The following OPA3 variants were observed in gnomAD, a reference collection of about 807,000 sequenced individuals.
OPA3 encodes optic atrophy 3 protein.
In OPA3, 6 loss-of-function variants were observed where a neutral mutation model predicts 4.0. The ratio of observed to expected loss-of-function variants is 1.51; its 90% confidence interval spans 0.83 to 2.99. OPA3 has a LOEUF of 2.99. Ranked by LOEUF, OPA3 falls within the 30% of genes most tolerant of loss-of-function variation. The pLI, the probability that OPA3 is intolerant of heterozygous loss-of-function variation, is 0.00. For synonymous variants in OPA3, 105 were observed against 117.1 expected (o/e 0.90, Z 0.67); for missense variants, 235 against 256.2 (o/e 0.92, Z 0.56).
At chr19:45,565,089 C>T (rs1208901643) in intron 1 of OPA3, among the ~76,000 whole-genome samples, 1 of 151,836 alleles carries the variant, frequency 6.6e-6, no homozygotes, top group Non-Finnish European at 1.5e-5. Context: ...AAAAAATTAG[C>T]TGGGCGTGGT....
intron 1 of OPA3, chr19:45,584,365 G>A (rs1275315303): frequency 1.0e-6 from 1 of 985,230 alleles, no homozygotes; most frequent in Non-Finnish European, 1.2e-6. Context: ...CAGGGCATCA[G>A]TCTCCAAGCG....
chr19:45,543,592 C>T (rs1969212181), downstream of OPA3, among the ~76,000 whole-genome samples: 1 of 152,186 alleles, frequency 6.6e-6, no homozygotes, highest in African/African-American at 2.4e-5. Context: ...ACTGGGATTA[C>T]AGGCGTGAGC....
chr19:45,548,513 C>T lies in OPA3; in HGVS notation c.*5001G>A. 1.0e-6 allele frequency: 1 copy of T among 985,402 alleles called. No homozygotes were observed. The highest frequency in any genetic ancestry group is 4.7e-5 in the South Asian group (1 of 21,290). 61.0% of individuals were successfully genotyped at this position (985,402 alleles called of 1,614,324 possible). A position where few individuals can be genotyped will look rare whatever the true frequency, so the allele number is the denominator to read the frequency against. On this transcript the variant is annotated 3_prime_UTR_variant, in exon 2 of 2. Transcript: ENST00000263275. ...CTTCCTAAACAACTATGGGGTGGGG[C>T]AGGGAACACTGGAAAAGAAATGTAC...
intron 1 of OPA3, among the ~76,000 whole-genome samples, chr19:45,570,231 A>G (rs2122487729): frequency 6.6e-6 from 1 of 152,340 alleles, no homozygotes; most frequent in South Asian, 2.1e-4. Flanking sequence ...AGATTTAGCC[A>G]TGAGTACATG....
intron 1 of OPA3, among the ~76,000 whole-genome samples, chr19:45,580,099 T>C (rs1377075899): frequency 6.8e-6 from 1 of 146,050 alleles, no homozygotes; most frequent in East Asian, 2.1e-4. Flanking sequence ...CATGTTCAAG[T>C]GATTCTTCTG....
chr19:45,572,633 A>AAT (rs71173182), intron 1 of OPA3, among the ~76,000 whole-genome samples: 31,113 of 135,142 alleles, frequency 0.23, 4,590 homozygotes, highest in Non-Finnish European at 0.33. Context: ...TATGTATATA[A>AAT]ATATATATAT....
chr19:45,573,509 G>C (rs1969719716), intron 1 of OPA3, among the ~76,000 whole-genome samples: 6 of 152,004 alleles, frequency 3.9e-5, no homozygotes, highest in Admixed American at 3.9e-4. Flanking sequence ...GAGTACTTGA[G>C]GGCCAGGTAC....
chr19:45,553,252 C>A lies in OPA3; in HGVS notation c.*262G>T, dbSNP rs1969363371. The A allele has an allele frequency of 7.1e-6, 10 of 1,415,310 alleles. No individual in the cohort carries two copies. The South Asian group carries it at 1.4e-4, about 19-fold the overall frequency. The allele number at this position is 1,415,310 out of a possible 1,614,324, so 87.7% of individuals were successfully genotyped here. A position where few individuals can be genotyped will look rare whatever the true frequency, so the allele number is the denominator to read the frequency against. On this transcript the variant is annotated 3_prime_UTR_variant, in exon 2 of 2. Coordinates refer to ENST00000263275, the MANE Select transcript of OPA3 (RefSeq NM_025136.4). Reference sequence around the variant, plus strand: ...TTGCCAGAGTGCCCACGGTGTCCTGCTGGCTGGGACCTTGCAGGTCGTCCT... The same window carrying A: ...TTGCCAGAGTGCCCACGGTGTCCTGATGGCTGGGACCTTGCAGGTCGTCCT...
Position 45,551,401 on chromosome 19 carries a change from T to A in OPA3, c.*2113A>T, listed in dbSNP as rs1969331482. ...TATTTGGAAAAAGTGTTTTTTCAGA[T>A]GTAATTAAGGGTCTTGAGGTGGGAT... On this transcript the variant is annotated 3_prime_UTR_variant, in exon 2 of 2. Transcript: ENST00000263275. The A allele has an allele frequency of 6.6e-6, 1 of 152,278 alleles. No individual in the cohort carries two copies. Among genetic ancestry groups the A allele is most frequent in the East Asian group, 1.9e-4 (1 of 5,200 alleles). 9.4% of individuals were successfully genotyped at this position (152,278 alleles called of 1,614,324 possible).
At chr19:45,530,027 C>T (rs1417976607) in intron 1 of OPA3, among the ~76,000 whole-genome samples, 2 of 152,156 alleles carry the variant, frequency 1.3e-5, no homozygotes, top group Non-Finnish European at 2.9e-5. Context: ...AGCCACGGAG[C>T]GCGGCCCTGA....
At chr19:45,558,729 T>A (rs907835142) in intron 1 of OPA3, among the ~76,000 whole-genome samples, 1 of 151,974 alleles carries the variant, frequency 6.6e-6, no homozygotes, top group Non-Finnish European at 1.5e-5. Context: ...GCTGTTTTTT[T>A]TTTTTATTTT....
At chr19:45,572,491 GAT>G (rs750303442) in intron 1 of OPA3, among the ~76,000 whole-genome samples, 19 of 115,142 alleles carry the variant, frequency 1.7e-4, no homozygotes, top group African/African-American at 3.2e-4. Flanking sequence ...TATATATCGA[GAT>G]ATATGAGATA....
Position 45,550,347 on chromosome 19 carries a change from TG to T in OPA3, c.*3166del. On this transcript the variant is annotated 3_prime_UTR_variant, in exon 2 of 2. Transcript: ENST00000263275. ...GCAGCTTCCCAAAAGCGGGCCCAGG[TG>T]GAATGGTCACCCAGTTTACACAATG... is the stretch of plus-strand genomic sequence containing the variant. 1.0e-6 allele frequency: 1 copy of T among 985,208 alleles called. No homozygotes were observed. Among genetic ancestry groups the T allele is most frequent in the Non-Finnish European group, 1.2e-6 (1 of 829,956 alleles). The allele number at this position is 985,208 out of a possible 1,614,324, so 61.0% of individuals were successfully genotyped here. A position where few individuals can be genotyped will look rare whatever the true frequency, so the allele number is the denominator to read the frequency against.
In OPA3 at chr19:45,553,688, C is replaced by A. The variant is rs748397260; in HGVS notation, c.366G>T (p.Leu122=). The change falls in exon 2 of 2, where the codon CTG becomes CTT. Residue 122 remains leucine, a synonymous_variant. Transcript: ENST00000263275. ...EEEQRAAWNA[L]RDEVGHLALA... is the part of the protein sequence containing the mutation. ...GCGCCAGGTGGCCCACCTCGTCCCG[C>A]AGCGCGTTCCAGGCAGCACGCTGCT... is the stretch of plus-strand genomic sequence containing the variant. 3.7e-6 allele frequency: 6 copies of A among 1,606,086 alleles called. No homozygotes were observed. The South Asian group carries it at 5.5e-5, about 15-fold the overall frequency.
intron 1 of OPA3, among the ~76,000 whole-genome samples, chr19:45,572,652 A>G (rs1350264922): frequency 2.1e-5 from 3 of 140,318 alleles, no homozygotes; most frequent in Non-Finnish European, 1.5e-5. Context: ...ATCGATATAT[A>G]TCATATATAT....
At position 45,549,443 on chromosome 19, in the gene OPA3, G is replaced by A; in HGVS notation, c.*4071C>T. ...TCCATCTGGGTCAGGACAGCGCTGG[G>A]GTCAGGAATTGGAGCTCCTGCCTGT... On this transcript the variant is annotated 3_prime_UTR_variant, in exon 2 of 2. Transcript: ENST00000263275. The A allele has an allele frequency of 1.0e-6, 1 of 985,330 alleles. No individual in the cohort carries two copies. Among genetic ancestry groups the A allele is most frequent in the African/African-American group, 1.7e-5 (1 of 57,310 alleles). The allele number at this position is 985,330 out of a possible 1,614,324, so 61.0% of individuals were successfully genotyped here. A position where few individuals can be genotyped will look rare whatever the true frequency, so the allele number is the denominator to read the frequency against.
intron 1 of OPA3, among the ~76,000 whole-genome samples, chr19:45,570,032 C>T (rs769964145): frequency 7.9e-4 from 120 of 152,302 alleles, no homozygotes; most frequent in Non-Finnish European, 1.5e-3. Flanking sequence ...GGTCAATGAC[C>T]GAGATGGCCT....
Position 45,547,194 on chromosome 19 carries a change from C to T in OPA3, c.*6320G>A, listed in dbSNP as rs1340289601. On this transcript the variant is annotated 3_prime_UTR_variant, in exon 2 of 2. Transcript: ENST00000263275. ...GCTGGGATGACCTCCACAGTTGTGC[C>T]AATCAAGGCAAGGGGCAGCCTTTGC... 1 of 152,194 alleles carries T rather than the reference C, an allele frequency of 6.6e-6. No homozygotes were observed. The highest frequency in any genetic ancestry group is 1.5e-5 in the Non-Finnish European group (1 of 68,056). The allele number at this position is 152,194 out of a possible 1,614,324, so 9.4% of individuals were successfully genotyped here.
At chr19:45,529,489 G>A (rs764240272) in intron 1 of OPA3, 5 of 1,613,828 alleles carry the variant, frequency 3.1e-6, no homozygotes, top group Non-Finnish European at 4.2e-6. Context: ...GGGGTCTTTT[G>A]CAGGGCAGCC....
Sources: gnomAD v4.1 joint callset for allele counts (sites outside exome capture counted in the v4.1 genomes callset) on GRCh38, gnomAD v4.1.1 for gene constraint, MANE v1.5 for transcripts, NCBI Gene and HGNC (gene_info 2026-07-23, HGNC 2026-07-21) for gene names.